DEDD2: variants seen among roughly 807,000 people sequenced by gnomAD.
The protein encoded by DEDD2 is DNA-binding death effector domain-containing protein 2.
Under a neutral mutation model 28.9 loss-of-function variants are expected in DEDD2, and 18 were observed. The observed-to-expected ratio is 0.62, with a 90% CI of 0.43 to 0.92. DEDD2 has a LOEUF of 0.92. Ranked by LOEUF, DEDD2 falls within the 40% of genes least tolerant of loss-of-function variation. DEDD2 has a pLI of 0.00. For missense variants in DEDD2, 411 were observed against 463.3 expected, an observed-to-expected ratio of 0.89 and a Z score of 1.04; for synonymous variants, 211 against 206.1, an observed-to-expected ratio of 1.02 and a Z score of -0.20.
chr19:42,213,772 G>A (rs1380095143), intron 3 of DEDD2, among the ~76,000 whole-genome samples: 1 of 151,848 alleles, frequency 6.6e-6, no homozygotes, highest in African/African-American at 2.4e-5. Flanking sequence ...AAAGAAAAAG[G>A]TATGGGGTGT....
chr19:42,215,758 CCAGA>C (rs959467286), intron 2 of DEDD2, among the ~76,000 whole-genome samples: 4 of 152,138 alleles, frequency 2.6e-5, no homozygotes, highest in African/African-American at 9.7e-5. Flanking sequence ...CTTTAGTAAC[CCAGA>C]CAAAGGCTTG....
intron 3 of DEDD2, among the ~76,000 whole-genome samples, chr19:42,212,732 T>G (rs539101199): frequency 1.3e-5 from 2 of 152,082 alleles, no homozygotes; most frequent in East Asian, 1.9e-4. Context: ...CCCAAACTGC[T>G]GGGGCTACAG....
rs2035415173 is a variant in DEDD2, at chr19:42,203,564, C to T, written c.590-3735G>A. On this transcript the variant is annotated intron_variant, in intron 4 of 4. Transcript: ENST00000596251. ...TCTCAATCCCAATCGCCAGCAGACT[C>T]AAGATTCTAGGGCCTCTGGAAGTGA... Among the ~76,000 whole-genome samples, 6 of 152,184 alleles carry T rather than the reference C, an allele frequency of 3.9e-5. No homozygotes were observed. In the South Asian group the frequency reaches 1.2e-3, roughly 32 times the overall value.
chr19:42,212,065 T>C (rs890043504), intron 3 of DEDD2: 3 of 131,964 alleles, frequency 2.3e-5, no homozygotes, highest in Non-Finnish European at 3.2e-5. Flanking sequence ...TAATAATAAA[T>C]TAATTAATTA....
At chr19:42,219,312 C>T (rs1304819363), upstream of DEDD2, among the ~76,000 whole-genome samples, 1 of 146,202 alleles carries the variant, frequency 6.8e-6, no homozygotes, top group African/African-American at 2.6e-5. Flanking sequence ...CTCAAACAAA[C>T]AAACAAGACC....
rs1433625072 is a variant in DEDD2, at chr19:42,198,713, T to C, written c.*725A>G. On this transcript the variant is annotated 3_prime_UTR_variant, in exon 5 of 5. Coordinates refer to ENST00000596251, the MANE Select transcript of DEDD2 (RefSeq NM_133328.4). ...CAAGAAGGTGGCTGTTTACTGGTTT[T>C]GGCCCCATGTGCAACAGTAGGCCTT... 6.6e-6 allele frequency: 1 copy of C among 152,322 alleles called. No homozygotes were observed. Among genetic ancestry groups the C allele is most frequent in the African/African-American group, 2.4e-5 (1 of 41,460 alleles). 9.4% of individuals were successfully genotyped at this position (152,322 alleles called of 1,614,324 possible).
intron 2 of DEDD2, 142 bp downstream of exon 2, chr19:42,216,538 T>C (rs1041612569): frequency 1.8e-5 from 15 of 856,010 alleles, no homozygotes; most frequent in Non-Finnish European, 2.2e-5. Context: ...ATGTTGCTCA[T>C]TGATATTGTG....
At chr19:42,219,859 G>T (rs74994627), upstream of DEDD2, among the ~76,000 whole-genome samples, 3,754 of 152,306 alleles carry the variant, frequency 0.025, 153 homozygotes, top group African/African-American at 0.085. Flanking sequence ...CGCTGTGCAT[G>T]TGTGATATCA....
In DEDD2 at chr19:42,199,924, C is replaced by T. The variant is rs148267282; in HGVS notation, c.590-95G>A. On this transcript the variant is annotated intron_variant, in intron 4 of 4. Coordinates refer to ENST00000596251, the MANE Select transcript of DEDD2 (RefSeq NM_133328.4). This position sits in a 1 kb window ranked among gnomAD's most constrained non-coding sequence, Gnocchi z 7.4. ...TCCTCCCTCCAGCCTTCTCCCTCCA[C>T]CCCCTTCCGGTAGCCACACCCTAGT... The T allele has an allele frequency of 1.7e-4, 252 of 1,464,556 alleles. 1 individual carries two copies. The highest frequency in any genetic ancestry group is 1.5e-3 in the South Asian group (106 of 70,988). 90.7% of individuals were successfully genotyped at this position (1,464,556 alleles called of 1,614,324 possible). A position where few individuals can be genotyped will look rare whatever the true frequency, so the allele number is the denominator to read the frequency against.
Position 42,216,963 on chromosome 19 carries a change from A to ACGGGGCCGGGG in DEDD2, c.44_45insCCCCGGCCCCG (p.Glu16ProfsTer26). Reference sequence around the variant, plus strand: ...GCATCCCGTAGTAGTCCAGGCACTCATCCTCCTCCCAGCACGGGGCCGGGG... The same window carrying ACGGGGCCGGGG: ...GCATCCCGTAGTAGTCCAGGCACTCACGGGGCCGGGGTCCTCCTCCCAGCACGGGGCCGGGG... On this transcript the variant is annotated frameshift_variant, in exon 2 of 5. Coordinates refer to ENST00000596251, the MANE Select transcript of DEDD2 (RefSeq NM_133328.4). LOFTEE classifies it high-confidence loss of function. 6.2e-7 allele frequency: 1 copy of ACGGGGCCGGGG among 1,601,734 alleles called. No homozygotes were observed. The highest frequency in any genetic ancestry group is 8.5e-7 in the Non-Finnish European group (1 of 1,174,682).
intron 4 of DEDD2, among the ~76,000 whole-genome samples, chr19:42,203,192 T>C (rs1371616814): frequency 6.6e-6 from 1 of 152,174 alleles, no homozygotes; most frequent in African/African-American, 2.4e-5. Flanking sequence ...ACCCCTATCC[T>C]GTTGGCTACC....
At chr19:42,209,592 AC>A in intron 4 of DEDD2, 107 bp downstream of exon 4, 2 of 1,435,452 alleles carry the variant, frequency 1.4e-6, no homozygotes, top group South Asian at 2.8e-5. Flanking sequence ...GAGAGCTGAC[AC>A]CCATCTGCCA....
At chr19:42,209,229 A>C (rs1169767303) in intron 4 of DEDD2, among the ~76,000 whole-genome samples, 2 of 151,586 alleles carry the variant, frequency 1.3e-5, no homozygotes, top group East Asian at 3.9e-4. Flanking sequence ...AGACAGAGGG[A>C]GATGGCGTCT....
At chr19:42,200,102 G>T (rs1568436613) in intron 4 of DEDD2, among the ~76,000 whole-genome samples, 1 of 152,076 alleles carries the variant, frequency 6.6e-6, no homozygotes, top group African/African-American at 2.4e-5. Context: ...CTCTCTTCCT[G>T]CAGGTCTTTG....
At chr19:42,200,522 G>A (rs1379829860) in intron 4 of DEDD2, among the ~76,000 whole-genome samples, 2 of 152,240 alleles carry the variant, frequency 1.3e-5, no homozygotes, top group Non-Finnish European at 1.5e-5. Flanking sequence ...CACTGCGGAT[G>A]CGCAGGGTCC....
chr19:42,206,712 G>T (rs1233353846), intron 4 of DEDD2, among the ~76,000 whole-genome samples: 1 of 152,152 alleles, frequency 6.6e-6, no homozygotes, highest in Non-Finnish European at 1.5e-5. Context: ...CACTGTCTCA[G>T]GCAGTCGAGA....
At chr19:42,205,362 G>C (rs1313814903) in intron 4 of DEDD2, among the ~76,000 whole-genome samples, 1 of 152,166 alleles carries the variant, frequency 6.6e-6, no homozygotes, top group East Asian at 1.9e-4. Context: ...AGCCACAGTG[G>C]CTCACACCTG....
chr19:42,212,491 G>A (rs910203559), intron 3 of DEDD2, among the ~76,000 whole-genome samples: 4 of 151,096 alleles, frequency 2.6e-5, no homozygotes, highest in Admixed American at 6.6e-5. Flanking sequence ...CTGAGACAGG[G>A]TCTTGCTCTG....
chr19:42,212,639 A>AT (rs1454986659), intron 3 of DEDD2, among the ~76,000 whole-genome samples: 3 of 151,820 alleles, frequency 2.0e-5, no homozygotes, highest in Non-Finnish European at 4.4e-5. Flanking sequence ...TAATTTTTAT[A>AT]TTTTTTATAG....
Sources: allele counts gnomAD v4.1 joint callset (sites outside exome capture counted in the v4.1 genomes callset), GRCh38; gene constraint gnomAD v4.1.1; non-coding constraint Gnocchi (gnomAD v3.1); transcripts MANE v1.5; gene names NCBI Gene and HGNC (gene_info 2026-07-23, HGNC 2026-07-21).